Variants in SKA3 observed in about 807,000 individuals in gnomAD.
SKA3 encodes the protein spindle and kinetochore-associated protein 3.
A neutral mutation model predicts 44.2 loss-of-function variants in SKA3; 39 were observed. That is an observed-to-expected ratio of 0.88 (90% confidence interval 0.68 to 1.15). The LOEUF (loss-of-function observed/expected upper bound fraction) is 1.15. Ranked by LOEUF, SKA3 falls within the 50% of genes most tolerant of loss-of-function variation. SKA3 has a pLI of 0.00. For synonymous variants in SKA3, 192 were observed against 172.0 expected (o/e 1.12, Z -0.91); for missense variants, 511 against 485.8 (o/e 1.05, Z -0.49).
At position 21,161,880 on chromosome 13, in the gene SKA3, TG is replaced by T. The variant is rs772369164; in HGVS notation, c.744-6del. On this transcript the variant is annotated splice_region_variant and splice_polypyrimidine_tract_variant and intron_variant, in intron 4 of 8. Coordinates refer to ENST00000314759, the MANE Select transcript of SKA3 (RefSeq NM_145061.6). ...TCTGTATCTATGGCCTCCTCACTGG[TG>T]TGATTCATAGGGAAATTACAAGGTT... 6.3e-7 allele frequency: 1 copy of T among 1,597,278 alleles called. No homozygotes were observed. The highest frequency in any genetic ancestry group is 8.5e-7 in the Non-Finnish European group (1 of 1,169,598).
intron 4 of SKA3, among the ~76,000 whole-genome samples, chr13:21,164,529 T>G (rs1565993927): frequency 6.6e-6 from 1 of 152,232 alleles, no homozygotes; most frequent in African/African-American, 2.4e-5. Flanking sequence ...CACGTTTCAT[T>G]GTACTCTTCT....
At chr13:21,161,057 G>A (rs528966838) in intron 5 of SKA3, among the ~76,000 whole-genome samples, 1 of 152,210 alleles carries the variant, frequency 6.6e-6, no homozygotes, top group South Asian at 2.1e-4. Context: ...AAGAGGCGGA[G>A]GTTGCAATGA....
intron 3 of SKA3, among the ~76,000 whole-genome samples, chr13:21,168,855 T>C (rs991286543): frequency 3.7e-4 from 57 of 152,300 alleles, no homozygotes; most frequent in Admixed American, 2.5e-3. Flanking sequence ...GTCCCTTTAA[T>C]AAAGTTCTGA....
In SKA3 at chr13:21,158,053, A is replaced by G; in HGVS notation, c.988T>C (p.Leu330=). The G allele has an allele frequency of 1.9e-6, 3 of 1,613,368 alleles. No individual in the cohort carries two copies. The highest frequency in any genetic ancestry group is 2.5e-6 in the Non-Finnish European group (3 of 1,179,360). ...NDLEVEDRTS[L]VLNSDTCFEN... ...AAGCATGTGTCTGAATTTAAAACCAACGAAGTACGATCTTCAACTTCCAAA... is the reference window on the plus strand; with the variant it reads ...AAGCATGTGTCTGAATTTAAAACCAGCGAAGTACGATCTTCAACTTCCAAA... Residue 330 remains leucine, a synonymous_variant, in exon 7 of 9, where the codon TTG becomes CTG. Coordinates refer to ENST00000314759, the MANE Select transcript of SKA3 (RefSeq NM_145061.6).
Position 21,168,178 on chromosome 13 carries a change from C to T in SKA3, c.553G>A (p.Glu185Lys), listed in dbSNP as rs762990313. 6.2e-7 allele frequency: 1 copy of T among 1,614,118 alleles called. No homozygotes were observed. Among genetic ancestry groups the T allele is most frequent in the South Asian group, 1.1e-5 (1 of 91,070 alleles). Residue 185 changes from glutamate (E) to lysine (K), a missense_variant, in exon 4 of 9, where the codon GAG (glutamate) becomes AAG (lysine). Transcript: ENST00000314759. ...GTAGGTGGGGTTACAATTACGGGCT[C>T]TTCCTTATAGTTGTTCACTGCCTGT... ...PPQAVNNYKE[E>K]PVIVTPPTKQ...
chr13:21,155,458 G>A (rs1870060233), intron 8 of SKA3, among the ~76,000 whole-genome samples: 1 of 149,862 alleles, frequency 6.7e-6, no homozygotes, highest in African/African-American at 2.5e-5. Flanking sequence ...CCAGGCTGGA[G>A]TGCAGTGGCA....
At position 21,154,280 on chromosome 13, in the gene SKA3, A is replaced by C. The variant is rs1869969068; in HGVS notation, c.*870T>G. 6.6e-6 allele frequency: 1 copy of C among 152,308 alleles called. No homozygotes were observed. The highest frequency in any genetic ancestry group is 2.1e-4 in the South Asian group (1 of 4,838). 9.4% of individuals were successfully genotyped at this position (152,308 alleles called of 1,614,324 possible). A position where few individuals can be genotyped will look rare whatever the true frequency, so the allele number is the denominator to read the frequency against. ...AGATAATACTTTCCAGCTGTACTTA[A>C]ATCAGAAGGATCGTAGGCCTGATAA... On this transcript the variant is annotated 3_prime_UTR_variant, in exon 9 of 9. Transcript: ENST00000314759.
chr13:21,154,879 T>G lies in SKA3; in HGVS notation c.*271A>C. The G allele has an allele frequency of 1.8e-6, 1 of 570,488 alleles. No individual in the cohort carries two copies. Among genetic ancestry groups the G allele is most frequent in the Non-Finnish European group, 3.1e-6 (1 of 326,884 alleles). 35.3% of individuals were successfully genotyped at this position (570,488 alleles called of 1,614,324 possible). ...CTACTTCCTGGTACTACTTAAACCA[T>G]TCTGTTGATTAAGCTGGGTAATTTA... is the stretch of plus-strand genomic sequence containing the variant. On this transcript the variant is annotated 3_prime_UTR_variant, in exon 9 of 9. Coordinates refer to ENST00000314759, the MANE Select transcript of SKA3 (RefSeq NM_145061.6).
intron 7 of SKA3, among the ~76,000 whole-genome samples, chr13:21,156,024 T>C (rs1049004623): frequency 2.0e-5 from 3 of 151,796 alleles, no homozygotes; most frequent in Admixed American, 1.3e-4. Context: ...TCGTCTCTAC[T>C]AAACATACAA....
At chr13:21,157,817 G>C in intron 7 of SKA3, 105 bp downstream of exon 7, 1 of 775,032 alleles carries the variant, frequency 1.3e-6, no homozygotes, top group South Asian at 1.9e-5. Context: ...TAGCACACTA[G>C]CCCAATGATA....
intron 6 of SKA3, among the ~76,000 whole-genome samples, chr13:21,158,892 C>T (rs1870282857): frequency 6.6e-6 from 1 of 152,034 alleles, no homozygotes; most frequent in Non-Finnish European, 1.5e-5. Flanking sequence ...GAGAGAGAGA[C>T]GATAGAGTGT....
rs754901084 is a variant in SKA3, at chr13:21,176,431, C to T, written c.47G>A (p.Ser16Asn). Reference protein sequence around the residue: ...SFCGKLRSLASTLDCETARLQ... With the variant: ...SFCGKLRSLANTLDCETARLQ... ...CCGGGCCGTCTCGCAGTCCAGCGTGCTGGCCAGAGACCGCAGCTTCCCGCA... is the reference window on the plus strand; with the variant it reads ...CCGGGCCGTCTCGCAGTCCAGCGTGTTGGCCAGAGACCGCAGCTTCCCGCA... The change falls in exon 1 of 9, where the codon AGC becomes AAC. Residue 16 changes from serine to asparagine, a missense_variant. Transcript: ENST00000314759. 1 of 1,585,482 alleles carries T rather than the reference C, an allele frequency of 6.3e-7. No homozygotes were observed. Among genetic ancestry groups the T allele is most frequent in the East Asian group, 2.3e-5 (1 of 43,452 alleles).
intron 5 of SKA3, 123 bp from the exon 6 acceptor site, chr13:21,160,110 C>T: frequency 1.7e-6 from 1 of 591,748 alleles, no homozygotes; most frequent in Non-Finnish European, 2.8e-6. Context: ...AGCAAGGATG[C>T]AAGAGTAATA....
rs1870020030 is a variant in SKA3, at chr13:21,154,929, T to G, written c.*221A>C. 25 of 726,076 alleles carry G rather than the reference T, an allele frequency of 3.4e-5. 1 individual carries two copies. The South Asian group carries it at 4.5e-4, about 13-fold the overall frequency. The allele number at this position is 726,076 out of a possible 1,614,324, so 45.0% of individuals were successfully genotyped here. A position where few individuals can be genotyped will look rare whatever the true frequency, so the allele number is the denominator to read the frequency against. ...AGTATCAATGAAACACTAATAATCCTTAAAGAGTGAATGACTGGGCTACAT... is the reference window on the plus strand; with the variant it reads ...AGTATCAATGAAACACTAATAATCCGTAAAGAGTGAATGACTGGGCTACAT... On this transcript the variant is annotated 3_prime_UTR_variant, in exon 9 of 9. Coordinates refer to ENST00000314759, the MANE Select transcript of SKA3 (RefSeq NM_145061.6).
intron 3 of SKA3, among the ~76,000 whole-genome samples, chr13:21,170,149 A>G (rs180904865): frequency 1.3e-4 from 20 of 151,788 alleles, no homozygotes; most frequent in Admixed American, 1.2e-3. Context: ...TCAAAGATAT[A>G]CAGTTTCTCA....
intron 7 of SKA3, among the ~76,000 whole-genome samples, chr13:21,156,901 A>G: frequency 3.1e-5 from 1 of 32,412 alleles, no homozygotes; most frequent in Non-Finnish European, 7.1e-5. Context: ...TCTACTAAAA[A>G]TACAAAAAAT....
chr13:21,172,602 A>G lies in SKA3; in HGVS notation c.165+18T>C. 1.4e-6 allele frequency: 2 copies of G among 1,450,716 alleles called. No individual in the cohort carries two copies. The highest frequency in any genetic ancestry group is 1.8e-6 in the Non-Finnish European group (2 of 1,097,734). 89.9% of individuals were successfully genotyped at this position (1,450,716 alleles called of 1,614,324 possible). A position where few individuals can be genotyped will look rare whatever the true frequency, so the allele number is the denominator to read the frequency against. ...CTCGCCACAGAAAAATAATAAATCA[A>G]TATTGTAGGAGTGATACCTTTAGAG... On this transcript the variant is annotated intron_variant, in intron 2 of 8. Coordinates refer to ENST00000314759, the MANE Select transcript of SKA3 (RefSeq NM_145061.6).
At chr13:21,169,337 C>A (rs528464983) in intron 3 of SKA3, among the ~76,000 whole-genome samples, 1 of 152,200 alleles carries the variant, frequency 6.6e-6, no homozygotes, top group Non-Finnish European at 1.5e-5. Flanking sequence ...AAAGCTGGGA[C>A]TATAGGCACG....
chr13:21,158,107 A>C lies in SKA3; in HGVS notation c.934T>G (p.Leu312Val). 4.4e-6 allele frequency: 7 copies of C among 1,606,326 alleles called. No individual in the cohort carries two copies. The highest frequency in any genetic ancestry group is 6.0e-6 in the Non-Finnish European group (7 of 1,173,140). ...TTTGATGAACTATTTGTTTTTGATAATGGGTAATTTGTGGATACCTATTGA... is the reference window on the plus strand; with the variant it reads ...TTTGATGAACTATTTGTTTTTGATACTGGGTAATTTGTGGATACCTATTGA... Reference protein sequence around the residue: ...SIALVSTNYPLSKTNSSSNDL... With the variant: ...SIALVSTNYPVSKTNSSSNDL... The change falls in exon 7 of 9, where the codon TTA becomes GTA. Residue 312 changes from leucine to valine, a missense_variant. Coordinates refer to ENST00000314759, the MANE Select transcript of SKA3 (RefSeq NM_145061.6).
Sources: gnomAD v4.1 joint callset for allele counts (sites outside exome capture counted in the v4.1 genomes callset) on GRCh38, gnomAD v4.1.1 for gene constraint, MANE v1.5 for transcripts, NCBI Gene and HGNC (gene_info 2026-07-23, HGNC 2026-07-21) for gene names.